Variants in ADGRV1 observed in about 807,000 individuals in gnomAD.
ADGRV1 encodes adhesion G protein-coupled receptor V1.
ADGRV1 carries 359 observed loss-of-function variants against 596.2 expected under a neutral mutation model. The ratio of observed to expected loss-of-function variants is 0.60; its 90% CI spans 0.55 to 0.66. ADGRV1 has a LOEUF of 0.66. Ranked by LOEUF, ADGRV1 falls within the 30% of genes least tolerant of loss-of-function variation. ADGRV1 has a pLI of 0.00. For synonymous variants in ADGRV1, 2,681 were observed against 2,679.2 expected, an observed-to-expected ratio of 1.00 and a Z score of -0.02; for missense variants, 7,274 against 7,575.6, an observed-to-expected ratio of 0.96 and a Z score of 1.48.
At position 91,163,961 on chromosome 5, in the gene ADGRV1, C is replaced by CT; in HGVS notation, c.*62dup. 1.3e-6 allele frequency: 1 copy of CT among 799,782 alleles called. No homozygotes were observed. The highest frequency in any genetic ancestry group is 2.2e-6 in the Non-Finnish European group (1 of 460,868). 49.5% of individuals were successfully genotyped at this position (799,782 alleles called of 1,614,324 possible). A position where few individuals can be genotyped will look rare whatever the true frequency, so the allele number is the denominator to read the frequency against. On this transcript the variant is annotated 3_prime_UTR_variant, in exon 90 of 90. Coordinates refer to ENST00000405460, the MANE Select transcript of ADGRV1 (RefSeq NM_032119.4). ...ATTTGTATCAGCTTTTGTGCTAAAA[C>CT]TCTCTAAGTACATCCACCTGTGTAA... is the stretch of plus-strand genomic sequence containing the variant.
chr5:90,817,491 GC>G (rs1055539466), intron 75 of ADGRV1, among the ~76,000 whole-genome samples: 68 of 151,646 alleles, frequency 4.5e-4, no homozygotes, highest in African/African-American at 1.6e-3. Context: ...CCTTGCCCAT[GC>G]CTGTGTCCTG....
At chr5:90,713,709 T>C (rs1749701293) in intron 42 of ADGRV1, among the ~76,000 whole-genome samples, 1 of 152,186 alleles carries the variant, frequency 6.6e-6, no homozygotes. Flanking sequence ...AGGACCATTC[T>C]TCTGCATTTC....
chr5:90,622,096 T>C (rs879938890), intron 4 of ADGRV1, among the ~76,000 whole-genome samples: 6 of 152,176 alleles, frequency 3.9e-5, no homozygotes, highest in Admixed American at 6.5e-5. Context: ...CATATTTCTT[T>C]TGAAGTCTTT....
At chr5:90,771,174 A>G (rs1052486308) in intron 59 of ADGRV1, among the ~76,000 whole-genome samples, 5 of 151,956 alleles carry the variant, frequency 3.3e-5, no homozygotes, top group South Asian at 4.1e-4. Context: ...CCAAATGTTT[A>G]TATACTTTTG....
intron 1 of ADGRV1, among the ~76,000 whole-genome samples, chr5:90,600,773 T>A (rs1213366510): frequency 6.6e-6 from 1 of 152,166 alleles, no homozygotes. Context: ...CTTCATATCA[T>A]TGGTAAATTC....
intron 83 of ADGRV1, among the ~76,000 whole-genome samples, chr5:90,919,193 C>A (rs1705589124): frequency 6.6e-6 from 1 of 152,206 alleles, no homozygotes; most frequent in Admixed American, 6.5e-5. Context: ...CGTAAAGGAG[C>A]ATAGAACTCA....
At chr5:90,685,392 G>A (rs1441550091) in intron 28 of ADGRV1, among the ~76,000 whole-genome samples, 2 of 151,982 alleles carry the variant, frequency 1.3e-5, no homozygotes, top group African/African-American at 4.8e-5. Context: ...AGACCAGCCT[G>A]GGCAACATGG....
intron 70 of ADGRV1, among the ~76,000 whole-genome samples, chr5:90,795,555 C>T (rs915749779): frequency 3.3e-5 from 5 of 152,178 alleles, no homozygotes; most frequent in Admixed American, 1.3e-4. Flanking sequence ...GGGGAAGGGG[C>T]GGCTGAAGGA....
At chr5:91,076,798 C>T (rs567585825) in intron 86 of ADGRV1, among the ~76,000 whole-genome samples, 14 of 152,142 alleles carry the variant, frequency 9.2e-5, no homozygotes, top group Non-Finnish European at 2.1e-4. Context: ...CTCACCTCTA[C>T]TTGAATATGC....
chr5:90,706,501 A>G, intron 38 of ADGRV1, 107 bp downstream of exon 38: 2 of 927,644 alleles, frequency 2.2e-6, no homozygotes, highest in Non-Finnish European at 3.2e-6. Flanking sequence ...GGTTTGTTAC[A>G]TATATATACA....
intron 2 of ADGRV1, among the ~76,000 whole-genome samples, chr5:90,616,990 G>A (rs935855315): frequency 7.2e-5 from 11 of 152,114 alleles, no homozygotes; most frequent in Non-Finnish European, 1.5e-4. Context: ...GAGAACATGA[G>A]ATATCTATCT....
At chr5:90,963,856 A>G (rs554020124) in intron 83 of ADGRV1, among the ~76,000 whole-genome samples, 7 of 150,900 alleles carry the variant, frequency 4.6e-5, no homozygotes, top group Non-Finnish European at 1.0e-4. Context: ...ACTTCGGCAT[A>G]AGAGATACAT....
chr5:91,123,093 T>C (rs898831625), intron 87 of ADGRV1, among the ~76,000 whole-genome samples: 4 of 152,208 alleles, frequency 2.6e-5, no homozygotes, highest in Non-Finnish European at 5.9e-5. Context: ...CCTATGATCA[T>C]GGGCCAGTTA....
At chr5:90,568,308 C>T (rs1681022601) in intron 1 of ADGRV1, among the ~76,000 whole-genome samples, 1 of 151,932 alleles carries the variant, frequency 6.6e-6, no homozygotes, top group Admixed American at 6.6e-5. Flanking sequence ...TTTTGGTATG[C>T]TCTGATTTTA....
intron 86 of ADGRV1, among the ~76,000 whole-genome samples, chr5:91,101,007 C>T (rs1418840823): frequency 6.6e-6 from 1 of 151,056 alleles, no homozygotes; most frequent in East Asian, 1.9e-4. Context: ...GTCAACTATA[C>T]ACGACTGGAT....
intron 85 of ADGRV1, among the ~76,000 whole-genome samples, chr5:91,043,497 C>T (rs1828178): frequency 0.35 from 53,014 of 151,790 alleles, 9,511 homozygotes; most frequent in East Asian, 0.51. Flanking sequence ...AGCACAGACT[C>T]GGGAGCCAGA....
At chr5:90,959,794 C>A (rs1777811626) in intron 83 of ADGRV1, among the ~76,000 whole-genome samples, 1 of 152,042 alleles carries the variant, frequency 6.6e-6, no homozygotes, top group South Asian at 2.1e-4. Context: ...CACAAAAGAG[C>A]ACATATGCCT....
intron 79 of ADGRV1, among the ~76,000 whole-genome samples, chr5:90,849,064 A>T (rs1220116580): frequency 6.6e-6 from 1 of 152,168 alleles, no homozygotes; most frequent in Non-Finnish European, 1.5e-5. Context: ...AAAATAACAA[A>T]AGCCTTACTG....
At chr5:90,900,220 G>A (rs1561914337) in intron 83 of ADGRV1, among the ~76,000 whole-genome samples, 1 of 151,912 alleles carries the variant, frequency 6.6e-6, no homozygotes, top group African/African-American at 2.4e-5. Flanking sequence ...TTTATGAGCA[G>A]AAAGTAGTAT....
Sources: gnomAD v4.1 joint callset for allele counts (sites outside exome capture counted in the v4.1 genomes callset) on GRCh38, gnomAD v4.1.1 for gene constraint, MANE v1.5 for transcripts, NCBI Gene and HGNC (gene_info 2026-07-23, HGNC 2026-07-21) for gene names.